The following PRMT1 variants were observed in gnomAD, a reference collection of about 807,000 sequenced individuals.
PRMT1 encodes the protein protein arginine methyltransferase 1, also known as protein arginine N-methyltransferase 1.
PRMT1 carries 5 observed loss-of-function variants against 47.4 expected under a neutral mutation model. The ratio of observed to expected loss-of-function variants is 0.11; its 90% CI spans 0.06 to 0.22. PRMT1 has a LOEUF of 0.22. PRMT1 is among the 10% of genes least tolerant of loss of function. PRMT1 has a pLI of 1.00. For missense variants in PRMT1, 249 were observed against 518.4 expected, an observed-to-expected ratio of 0.48 and a Z score of 5.05; for synonymous variants, 227 against 204.6, an observed-to-expected ratio of 1.11 and a Z score of -0.94.
At chr19:49,687,378 AAAAGTGGGTCCCGG>A (rs1396898497) in intron 10 of PRMT1, among the ~76,000 whole-genome samples, 1 of 151,788 alleles carries the variant, frequency 6.6e-6, no homozygotes, top group Non-Finnish European at 1.5e-5. Context: ...TCTGGGTTGG[AAAAGTGGGTCCCGG>A]CCGATGGGTG....
chr19:49,677,487 C>T, intron 1 of PRMT1, 171 bp downstream of exon 1: 2 of 495,492 alleles, frequency 4.0e-6, no homozygotes, highest in Non-Finnish European at 6.5e-6. Context: ...TGACGGCTCC[C>T]TAGCTTCCAA....
chr19:49,683,838 G>A (rs1416440965), intron 5 of PRMT1, 89 bp from the exon 6 acceptor site: 3 of 1,473,130 alleles, frequency 2.0e-6, no homozygotes, highest in Admixed American at 4.0e-5. Context: ...CTGAACTGAA[G>A]TGGGGTCCCC....
At chr19:49,679,678 C>T (rs1468661710) in intron 1 of PRMT1, 194 bp from the exon 2 acceptor site, 2 of 672,872 alleles carry the variant, frequency 3.0e-6, no homozygotes, top group Non-Finnish European at 5.4e-6. Context: ...AGGAGACCCC[C>T]CTTTCTTCTC....
intron 4 of PRMT1, 52 bp from the exon 5 acceptor site, chr19:49,682,144 G>A (rs964424976): frequency 1.9e-6 from 3 of 1,613,636 alleles, no homozygotes. Flanking sequence ...ATTGGATGGA[G>A]GTGATGGGGG....
chr19:49,686,212 AC>A lies in PRMT1; in HGVS notation c.880del (p.Arg294AlafsTer30). The A allele has an allele frequency of 6.2e-7, 1 of 1,610,454 alleles. No homozygotes were observed. The highest frequency in any genetic ancestry group is 8.5e-7 in the Non-Finnish European group (1 of 1,178,322). ...LVAYFNIEFT[R>X]CHKRTGFSTS... Reference sequence around the variant, plus strand: ...TGGCCTACTTCAACATCGAGTTCACACGCTGCCACAAGAGGACCGGCTTCTC... The same window carrying A: ...TGGCCTACTTCAACATCGAGTTCACAGCTGCCACAAGAGGACCGGCTTCTC... On this transcript the variant is annotated frameshift_variant, in exon 9 of 11. Transcript: ENST00000454376. LOFTEE classifies it high-confidence loss of function.
chr19:49,680,836 T>C lies in PRMT1; in HGVS notation c.192+248T>C, dbSNP rs2082107698. Among the ~76,000 whole-genome samples the C allele has an allele frequency of 6.6e-6, 1 of 152,190 alleles. No individual in the cohort carries two copies. Among genetic ancestry groups the C allele is most frequent in the African/African-American group, 2.4e-5 (1 of 41,458 alleles). ...GAGAGCGCATGCGTGCCTGGGGCCT[T>C]AGCCAGAGGTCGGGCAGGGCCCACT... is the stretch of plus-strand genomic sequence containing the variant. On this transcript the variant is annotated intron_variant, in intron 3 of 10. Coordinates refer to ENST00000454376, the MANE Select transcript of PRMT1 (RefSeq NM_001536.6). This position sits in a 1 kb window ranked among gnomAD's most constrained non-coding sequence, Gnocchi z 4.2.
At chr19:49,683,807 G>A in intron 5 of PRMT1, 120 bp from the exon 6 acceptor site, 1 of 1,135,364 alleles carries the variant, frequency 8.8e-7, no homozygotes, top group Non-Finnish European at 1.3e-6. Flanking sequence ...AAGGGTTCAT[G>A]GCTTCTGCTC....
At chr19:49,677,255 CGGA>C (rs1568483847), upstream of PRMT1, 8 of 1,417,424 alleles carry the variant, frequency 5.6e-6, no homozygotes, top group South Asian at 3.2e-5. Flanking sequence ...TCTTGGCGGC[CGGA>C]GGAGGAGTAG....
At chr19:49,686,962 G>A (rs2082217174) in intron 10 of PRMT1, among the ~76,000 whole-genome samples, 1 of 152,112 alleles carries the variant, frequency 6.6e-6, no homozygotes, top group Non-Finnish European at 1.5e-5. Flanking sequence ...GGAAGTTATG[G>A]GCCTGGGGAC....
chr19:49,684,777 A>C lies in PRMT1; in HGVS notation c.579A>C (p.Pro193=), dbSNP rs2082179789. Residue 193 remains proline, a synonymous_variant, in exon 7 of 11, where the codon CCA becomes CCC. Coordinates refer to ENST00000454376, the MANE Select transcript of PRMT1 (RefSeq NM_001536.6). This position sits in a 1 kb window ranked among gnomAD's most constrained non-coding sequence, Gnocchi z 6.2. ...KWLAPDGLIF[P]DRATLYVTAI... ...AGGCGCCCGATGGCCTCATCTTCCCAGACCGGGCCACGCTGTATGTGACGG... is the reference window on the plus strand; with the variant it reads ...AGGCGCCCGATGGCCTCATCTTCCCCGACCGGGCCACGCTGTATGTGACGG... 6.4e-7 allele frequency: 1 copy of C among 1,564,262 alleles called. No homozygotes were observed. The highest frequency in any genetic ancestry group is 2.4e-5 in the East Asian group (1 of 41,786).
chr19:49,685,601 G>A lies in PRMT1; in HGVS notation c.760-492G>A. 9.8e-7 allele frequency: 1 copy of A among 1,017,916 alleles called. No individual in the cohort carries two copies. Among genetic ancestry groups the A allele is most frequent in the Non-Finnish European group, 1.2e-6 (1 of 849,736 alleles). 63.1% of individuals were successfully genotyped at this position (1,017,916 alleles called of 1,614,324 possible). A position where few individuals can be genotyped will look rare whatever the true frequency, so the allele number is the denominator to read the frequency against. The stretch of plus-strand genomic sequence containing the variant: ...TTGAGCTGGGATGTGTGAGCCGGGT[G>A]AAGCTGGGTGGCTGACCGGGGGATC... On this transcript the variant is annotated intron_variant, in intron 8 of 10. Coordinates refer to ENST00000454376, the MANE Select transcript of PRMT1 (RefSeq NM_001536.6). This position sits in a 1 kb window ranked among gnomAD's most constrained non-coding sequence, Gnocchi z 4.7.
chr19:49,677,619 C>G (rs1568484132), intron 1 of PRMT1: 8 of 308,154 alleles, frequency 2.6e-5, no homozygotes, highest in Non-Finnish European at 4.2e-5. Flanking sequence ...GGGGGTGTGC[C>G]GAGTCCAGTG....
Position 49,680,386 on chromosome 19 carries a change from G to T in PRMT1, c.91-101G>T, listed in dbSNP as rs2082099398. 1 of 1,164,836 alleles carries T rather than the reference G, an allele frequency of 8.6e-7. No individual in the cohort carries two copies. Among genetic ancestry groups the T allele is most frequent in the Non-Finnish European group, 1.3e-6 (1 of 782,356 alleles). 72.2% of individuals were successfully genotyped at this position (1,164,836 alleles called of 1,614,324 possible). On this transcript the variant is annotated intron_variant, in intron 2 of 10. Coordinates refer to ENST00000454376, the MANE Select transcript of PRMT1 (RefSeq NM_001536.6). The surrounding 1 kb of genome is among the most constrained non-coding windows in gnomAD (Gnocchi z 4.2). The stretch of plus-strand genomic sequence containing the variant: ...TAGGGTTGTCATGGTATGATTTTGG[G>T]GGTTCTATACTACTCTTCAGGGAAA...
In PRMT1 at chr19:49,686,658, T is replaced by C. The variant is rs1358593160; in HGVS notation, c.964T>C (p.Tyr322His). 3 of 1,612,246 alleles carry C rather than the reference T, an allele frequency of 1.9e-6. No individual in the cohort carries two copies. The highest frequency in any genetic ancestry group is 2.5e-6 in the Non-Finnish European group (3 of 1,179,594). The change falls in exon 10 of 11, where the codon TAC (tyrosine) becomes CAC (histidine). Residue 322 changes from tyrosine to histidine, a missense_variant. Coordinates refer to ENST00000454376, the MANE Select transcript of PRMT1 (RefSeq NM_001536.6). ...GCAGACGGTGTTCTACATGGAGGAC[T>C]ACCTGACCGTGAAGACGGGCGAGGA... ...WKQTVFYMEDYLTVKTGEEIF... is the reference protein window; with the variant it reads ...WKQTVFYMEDHLTVKTGEEIF...
At position 49,681,797 on chromosome 19, in the gene PRMT1, C is replaced by T. The variant is rs1489958709; in HGVS notation, c.193-113C>T. On this transcript the variant is annotated intron_variant, in intron 3 of 10. Coordinates refer to ENST00000454376, the MANE Select transcript of PRMT1 (RefSeq NM_001536.6). The surrounding 1 kb of genome is among the most constrained non-coding windows in gnomAD (Gnocchi z 4.4). ...TAAATATAAAAGGGAAACTGAGGTG[C>T]ATGGAAGAAAGCGAGAGGGCCGAGC... 4 of 838,674 alleles carry T rather than the reference C, an allele frequency of 4.8e-6. No homozygotes were observed. The highest frequency in any genetic ancestry group is 6.9e-6 in the Non-Finnish European group (4 of 579,756). 52.0% of individuals were successfully genotyped at this position (838,674 alleles called of 1,614,324 possible). A position where few individuals can be genotyped will look rare whatever the true frequency, so the allele number is the denominator to read the frequency against.
At chr19:49,686,047 G>A (rs1291369830) in intron 8 of PRMT1, 46 bp from the exon 9 acceptor site, 1 of 1,584,510 alleles carries the variant, frequency 6.3e-7, no homozygotes, top group Non-Finnish European at 8.6e-7. Context: ...AGGGGATGAA[G>A]CGAGGTGGGG....
In PRMT1 at chr19:49,688,111, CG is replaced by C. The variant is rs2082238765; in HGVS notation, c.1033-50del. ...GCATAGCCTGCCTGCACCCGCCCCC[CG>C]CCACCACCTCCTGGTGGGTTCCGCC... On this transcript the variant is annotated intron_variant, in intron 10 of 10. Transcript: ENST00000454376. This position sits in a 1 kb window ranked among gnomAD's most constrained non-coding sequence, Gnocchi z 5.3. 6 of 1,535,798 alleles carry C rather than the reference CG, an allele frequency of 3.9e-6. No homozygotes were observed. The highest frequency in any genetic ancestry group is 2.7e-5 in the African/African-American group (2 of 73,012).
In PRMT1 at chr19:49,680,014, C is replaced by T; in HGVS notation, c.90+89C>T. On this transcript the variant is annotated intron_variant, in intron 2 of 10. Coordinates refer to ENST00000454376, the MANE Select transcript of PRMT1 (RefSeq NM_001536.6). The surrounding 1 kb of genome is among the most constrained non-coding windows in gnomAD (Gnocchi z 4.2). ...ATCTGGCCCTTTCTTGAGGTCTAAC[C>T]ATACCCCTCTTGCTTCAAACCAGTT... The T allele has an allele frequency of 7.3e-7, 1 of 1,369,494 alleles. No individual in the cohort carries two copies. Among genetic ancestry groups the T allele is most frequent in the Non-Finnish European group, 1.0e-6 (1 of 978,582 alleles). The allele number at this position is 1,369,494 out of a possible 1,614,324, so 84.8% of individuals were successfully genotyped here. A position where few individuals can be genotyped will look rare whatever the true frequency, so the allele number is the denominator to read the frequency against.
At chr19:49,687,004 C>A (rs1043354367) in intron 10 of PRMT1, among the ~76,000 whole-genome samples, 1 of 152,082 alleles carries the variant, frequency 6.6e-6, no homozygotes, top group Non-Finnish European at 1.5e-5. Flanking sequence ...CTGGTGCTTC[C>A]ACTCTAGACA....
Sources: allele counts gnomAD v4.1 joint callset (sites outside exome capture counted in the v4.1 genomes callset), GRCh38; gene constraint gnomAD v4.1.1; non-coding constraint Gnocchi (gnomAD v3.1); transcripts MANE v1.5; gene names NCBI Gene and HGNC (gene_info 2026-07-23, HGNC 2026-07-21).